Variants in ANKRD55 observed in about 807,000 individuals in gnomAD.
ANKRD55 encodes ankyrin repeat domain-containing protein 55.
In ANKRD55, 41 loss-of-function variants were observed where a neutral mutation model predicts 60.6. That is an observed-to-expected ratio of 0.68 (90% CI 0.53 to 0.88). The LOEUF is 0.88. ANKRD55 is among the 40% of genes least tolerant of loss of function. ANKRD55 has a pLI of 0.00. For missense variants in ANKRD55, 732 were observed against 767.6 expected (o/e 0.95, Z 0.55); for synonymous variants, 264 against 290.3 (o/e 0.91, Z 0.92).
chr5:56,196,763 T>C (rs1188878172), intron 2 of ANKRD55, among the ~76,000 whole-genome samples: 1 of 152,214 alleles, frequency 6.6e-6, no homozygotes. Context: ...TTGCCTAGGA[T>C]GTTGTTAAAA....
chr5:56,209,301 A>G (rs1759598154), intron 2 of ANKRD55, among the ~76,000 whole-genome samples: 1 of 152,138 alleles, frequency 6.6e-6, no homozygotes, highest in South Asian at 2.1e-4. Flanking sequence ...ATAAGATAAA[A>G]TTTGAAAATG....
At position 56,111,768 on chromosome 5, in the gene ANKRD55, C is replaced by G. The variant is rs774118271; in HGVS notation, c.980G>C (p.Arg327Pro). 1.3e-6 allele frequency: 2 copies of G among 1,510,258 alleles called. No homozygotes were observed. The highest frequency in any genetic ancestry group is 1.8e-6 in the Non-Finnish European group (2 of 1,133,936). 93.6% of individuals were successfully genotyped at this position (1,510,258 alleles called of 1,614,324 possible). A position where few individuals can be genotyped will look rare whatever the true frequency, so the allele number is the denominator to read the frequency against. The change falls in exon 10 of 12, where the codon CGA (arginine) becomes CCA (proline). Residue 327 changes from arginine (R) to proline (P), a missense_variant. Arg to Pro is a moderately radical substitution (Grantham distance 103). This residue lies in a region of ANKRD55 where 597 missense variants were observed against 607.5 expected (regional missense o/e 0.98). Coordinates refer to ENST00000341048, the MANE Select transcript of ANKRD55 (RefSeq NM_024669.3). ...CCGACTGCTCTGGGAGGGAGGGGGT[C>G]GAGTAGGCTCTGTTCTATGCGAATA... is the stretch of plus-strand genomic sequence containing the variant. ...LSQESRTEPTRPPPSQSSRPQ... is the reference protein window; with the variant it reads ...LSQESRTEPTPPPPSQSSRPQ...
chr5:56,128,484 G>C (rs1757333032), intron 7 of ANKRD55, among the ~76,000 whole-genome samples: 1 of 152,136 alleles, frequency 6.6e-6, no homozygotes, highest in East Asian at 1.9e-4. Flanking sequence ...AGCCTCTCTG[G>C]ATAAGTAAAG....
chr5:56,186,268 A>G (rs1332611278), intron 2 of ANKRD55, among the ~76,000 whole-genome samples: 1 of 152,194 alleles, frequency 6.6e-6, no homozygotes, highest in Non-Finnish European at 1.5e-5. Flanking sequence ...CCCAGGCCCA[A>G]GTGATCCACC....
intron 7 of ANKRD55, among the ~76,000 whole-genome samples, chr5:56,133,800 A>T (rs1041008802): frequency 8.7e-6 from 1 of 115,166 alleles, no homozygotes; most frequent in African/African-American, 2.8e-5. Context: ...TAGCAAAAAC[A>T]ATTTCTCAGA....
chr5:56,159,853 T>C lies in ANKRD55; in HGVS notation c.463A>G (p.Ile155Val). ...VLLQQSNISE[I>V]NHQDNEGMTP... is the part of the protein sequence containing the mutation. ...CTCACCTCATTGTCCTGGTGATTAA[T>C]CTCGCTGATGTTCGACTGTTGCAAC... The change falls in exon 6 of 12, where the codon ATT becomes GTT. Residue 155 changes from isoleucine to valine, a missense_variant. Transcript: ENST00000341048. The C allele has an allele frequency of 6.2e-7, 1 of 1,613,968 alleles. No individual in the cohort carries two copies. Among genetic ancestry groups the C allele is most frequent in the Non-Finnish European group, 8.5e-7 (1 of 1,179,904 alleles).
chr5:56,157,021 G>A (rs943590758), intron 6 of ANKRD55: 3 of 152,798 alleles, frequency 2.0e-5, no homozygotes, highest in Admixed American at 2.0e-4. Context: ...AGAGAAATCA[G>A]ACTGTTACTG....
At chr5:56,144,459 T>A (rs978189784) in intron 6 of ANKRD55, among the ~76,000 whole-genome samples, 7 of 151,436 alleles carry the variant, frequency 4.6e-5, no homozygotes, top group Non-Finnish European at 1.0e-4. Context: ...CTATCTCTAA[T>A]GCCTAGGCTA....
rs1759134746 is a variant in ANKRD55 at position 56,192,882 on chromosome 5, C to T, written c.59-9248G>A. On this transcript the variant is annotated intron_variant, in intron 2 of 11. Transcript: ENST00000341048. ...GCCAAACATGTCAAAGCTACATGGG[C>T]CCAGCGTTGTCTAAAAGTATTTTTT... 3 of 646,422 alleles carry T rather than the reference C, an allele frequency of 4.6e-6. No homozygotes were observed. In the East Asian group the frequency reaches 9.0e-5, roughly 19 times the overall value. 40.0% of individuals were successfully genotyped at this position (646,422 alleles called of 1,614,324 possible).
At chr5:56,219,845 CT>C (rs1759917945) in intron 2 of ANKRD55, among the ~76,000 whole-genome samples, 1 of 152,210 alleles carries the variant, frequency 6.6e-6, no homozygotes, top group South Asian at 2.1e-4. Flanking sequence ...CAGCTACAAG[CT>C]TATTGTAGTT....
At chr5:56,151,829 A>ATC (rs1237795356) in intron 6 of ANKRD55, among the ~76,000 whole-genome samples, 5 of 141,832 alleles carry the variant, frequency 3.5e-5, no homozygotes, top group African/African-American at 1.3e-4. Context: ...AAAAAAATCT[A>ATC]TATATATATA....
At chr5:56,228,702 G>A (rs1424218360) in intron 2 of ANKRD55, among the ~76,000 whole-genome samples, 1 of 152,134 alleles carries the variant, frequency 6.6e-6, no homozygotes, top group Admixed American at 6.5e-5. Flanking sequence ...TGGGATTACA[G>A]GCATGAGCCA....
At chr5:56,180,183 C>G (rs1758823516) in intron 3 of ANKRD55, among the ~76,000 whole-genome samples, 1 of 152,122 alleles carries the variant, frequency 6.6e-6, no homozygotes, top group Non-Finnish European at 1.5e-5. Flanking sequence ...CCCATGATTA[C>G]TAACCCACTC....
intron 7 of ANKRD55, among the ~76,000 whole-genome samples, chr5:56,135,332 T>TTTCG (rs1757557070): frequency 5.6e-5 from 1 of 17,946 alleles, no homozygotes; most frequent in African/African-American, 4.2e-4. Context: ...TCTTTCTTTC[T>TTTCG]TTCTTTCTTT....
chr5:56,183,109 CA>C (rs1190917305), intron 3 of ANKRD55, among the ~76,000 whole-genome samples: 12 of 152,292 alleles, frequency 7.9e-5, no homozygotes, highest in African/African-American at 2.9e-4. Flanking sequence ...CTTCATCTTC[CA>C]GAGTCTTTTT....
Position 56,155,849 on chromosome 5 carries a change from C to CAA in ANKRD55, c.483+3982_483+3983dup, listed in dbSNP as rs11338877. Among the ~76,000 whole-genome samples the CAA allele has an allele frequency of 3.7e-3, 458 of 125,332 alleles. 2 individuals carry two copies. Among genetic ancestry groups the CAA allele is most frequent in the African/African-American group, 0.013 (447 of 33,218 alleles). The allele number at this position is 125,332 out of a possible 152,430, so 82.2% of individuals were successfully genotyped here. A position where few individuals can be genotyped will look rare whatever the true frequency, so the allele number is the denominator to read the frequency against. On this transcript the variant is annotated intron_variant, in intron 6 of 11. Coordinates refer to ENST00000341048, the MANE Select transcript of ANKRD55 (RefSeq NM_024669.3). ...TGGGCCACAGAATGAGACCCTGCCTCAAAAAAAAAAAAAAAACCAAAACCA... is the reference window on the plus strand; with the variant it reads ...TGGGCCACAGAATGAGACCCTGCCTCAAAAAAAAAAAAAAAAAACCAAAACCA...
chr5:56,217,769 A>C (rs1358376049), intron 2 of ANKRD55, among the ~76,000 whole-genome samples: 1 of 151,850 alleles, frequency 6.6e-6, no homozygotes, highest in Non-Finnish European at 1.5e-5. Context: ...GGTGGGGGGC[A>C]CCTGTAGTCC....
In ANKRD55 at chr5:56,144,287, A is replaced by G. The variant is rs377443037; in HGVS notation, c.484-358T>C. 1.2e-4 allele frequency among the ~76,000 whole-genome samples: 19 copies of G among 152,314 alleles called. No homozygotes were observed. In the East Asian group the frequency reaches 1.3e-3, roughly 11 times the overall value. On this transcript the variant is annotated intron_variant, in intron 6 of 11. Transcript: ENST00000341048. ...GCACGTAGGATGCTGGTGAGAGAGT[A>G]ACCAAGGGTGGAGGGACTGTTCTAA...
At chr5:56,126,847 A>G in intron 8 of ANKRD55, 75 bp downstream of exon 8, 1 of 1,499,044 alleles carries the variant, frequency 6.7e-7, no homozygotes, top group South Asian at 1.3e-5. Flanking sequence ...CACCTCCTTA[A>G]ACATCTCCTT....
Sources: allele counts gnomAD v4.1 joint callset (sites outside exome capture counted in the v4.1 genomes callset), GRCh38; gene constraint gnomAD v4.1.1; regional missense constraint gnomAD v4.1.1; transcripts MANE v1.5; gene names NCBI Gene and HGNC (gene_info 2026-07-23, HGNC 2026-07-21).